The following GALNT11 variants were observed in gnomAD, a reference collection of about 807,000 sequenced individuals.
GALNT11 encodes the protein UDP-GalNAc:polypeptide N-acetylgalactosaminyltransferase 11.
In GALNT11, 47 loss-of-function variants were observed where a neutral mutation model predicts 72.7. The ratio of observed to expected loss-of-function variants is 0.65; its 90% confidence interval spans 0.51 to 0.82. The LOEUF (loss-of-function observed/expected upper bound fraction) is 0.82. GALNT11 is among the 40% of genes least tolerant of loss of function. GALNT11 has a pLI of 0.00. For synonymous variants in GALNT11, 270 were observed against 286.6 expected (o/e 0.94, Z 0.58); for missense variants, 677 against 778.4 (o/e 0.87, Z 1.55).
chr7:152,046,240 A>G (rs1398517779), intron 1 of GALNT11, among the ~76,000 whole-genome samples: 5 of 152,128 alleles, frequency 3.3e-5, no homozygotes, highest in Non-Finnish European at 5.9e-5. Context: ...ATCCTTGAGG[A>G]TGATCTATGT....
chr7:152,081,937 G>A (rs1197142374), intron 1 of GALNT11, among the ~76,000 whole-genome samples: 1 of 152,040 alleles, frequency 6.6e-6, no homozygotes, highest in Non-Finnish European at 1.5e-5. Context: ...CCTTTGTATA[G>A]CTGTGTATTG....
intron 1 of GALNT11, among the ~76,000 whole-genome samples, chr7:152,047,531 A>G (rs1302708946): frequency 6.6e-6 from 1 of 151,970 alleles, no homozygotes. Context: ...CCCCATCTCT[A>G]CAAAAAAATA....
chr7:152,077,326 C>G (rs1373637674), intron 1 of GALNT11, among the ~76,000 whole-genome samples: 2 of 152,138 alleles, frequency 1.3e-5, no homozygotes, highest in African/African-American at 2.4e-5. Flanking sequence ...GATAGAAAAC[C>G]AGAGACGTGA....
At chr7:152,113,579 C>G (rs1298171395) in intron 8 of GALNT11, among the ~76,000 whole-genome samples, 181 bp downstream of exon 8, 1 of 151,864 alleles carries the variant, frequency 6.6e-6, no homozygotes, top group Non-Finnish European at 1.5e-5. Flanking sequence ...CTTTCTGGTT[C>G]TAATCTGACT....
chr7:152,075,482 G>C (rs1049264577), intron 1 of GALNT11, among the ~76,000 whole-genome samples: 1 of 152,196 alleles, frequency 6.6e-6, no homozygotes, highest in African/African-American at 2.4e-5. Flanking sequence ...ACCCTGCCTG[G>C]TAGCTTTCGC....
chr7:152,118,454 G>A, intron 9 of GALNT11: 1 of 464,706 alleles, frequency 2.2e-6, no homozygotes, highest in East Asian at 4.3e-5. Flanking sequence ...GACACTGTCT[G>A]CATGTTAAAA....
chr7:152,118,897 C>A, intron 10 of GALNT11, 115 bp downstream of exon 10: 1 of 748,966 alleles, frequency 1.3e-6, no homozygotes, highest in Non-Finnish European at 2.1e-6. Context: ...CTTTTCTTAA[C>A]CCATTTCTGT....
chr7:152,102,023 T>G (rs892475436), intron 3 of GALNT11, among the ~76,000 whole-genome samples: 26 of 152,154 alleles, frequency 1.7e-4, no homozygotes, highest in Non-Finnish European at 8.8e-5. Context: ...AGCTCTTCTG[T>G]TATCTTGGTA....
chr7:152,045,017 C>A lies in GALNT11; in HGVS notation c.-39+19133C>A, dbSNP rs114004118. 1.1e-3 allele frequency among the ~76,000 whole-genome samples: 171 copies of A among 152,106 alleles called. 2 individuals are homozygous for A. Among genetic ancestry groups the A allele is most frequent in the African/African-American group, 4.0e-3 (166 of 41,486 alleles). On this transcript the variant is annotated intron_variant, in intron 1 of 11. Transcript: ENST00000430044. ...AAAGGATGTTTAATTTTACCAAATT[C>A]TTTTTCAGCATCAATTGAAACGATC... is the stretch of plus-strand genomic sequence containing the variant.
At chr7:152,116,843 T>G (rs1235351796) in intron 8 of GALNT11, 14 of 503,392 alleles carry the variant, frequency 2.8e-5, no homozygotes, top group Non-Finnish European at 4.6e-5. Flanking sequence ...TTTAATTATT[T>G]TAAGGAATTA....
rs2089130263 is a variant in GALNT11 at position 152,118,698 on chromosome 7, C to T, written c.1473C>T (p.Asn491=). Residue 491 remains asparagine (N), a synonymous_variant, in exon 10 of 12, where the codon AAC becomes AAT. Transcript: ENST00000430044. ...TACAGCTCTATCACCTCCAGACCAA[C>T]AAATGCCTGGTGGCCCAGGGCCGCC... is the stretch of plus-strand genomic sequence containing the variant. ...QRGRLYHLQT[N]KCLVAQGRPS... is the part of the protein sequence containing the mutation. 1 of 1,610,490 alleles carries T rather than the reference C, an allele frequency of 6.2e-7. No homozygotes were observed. The highest frequency in any genetic ancestry group is 8.5e-7 in the Non-Finnish European group (1 of 1,178,496).
At chr7:152,044,006 C>T (rs2082998114) in intron 1 of GALNT11, among the ~76,000 whole-genome samples, 1 of 152,262 alleles carries the variant, frequency 6.6e-6, no homozygotes. Flanking sequence ...CTCTGGTGAC[C>T]CTTTGACCTG....
At chr7:152,097,922 A>G (rs1461872175) in intron 2 of GALNT11, among the ~76,000 whole-genome samples, 2 of 152,236 alleles carry the variant, frequency 1.3e-5, no homozygotes, top group African/African-American at 4.8e-5. Flanking sequence ...CTGCAGCTAG[A>G]TAATCATGCT....
intron 1 of GALNT11, among the ~76,000 whole-genome samples, chr7:152,070,825 G>A (rs1184261670): frequency 8.6e-5 from 13 of 152,046 alleles, no homozygotes; most frequent in South Asian, 2.1e-4. Flanking sequence ...TTCCTTAAGC[G>A]TAGGCCAGCT....
chr7:152,108,389 T>C (rs1316306961), intron 6 of GALNT11, 102 bp downstream of exon 6: 7 of 1,486,726 alleles, frequency 4.7e-6, no homozygotes, highest in Non-Finnish European at 5.4e-6. Flanking sequence ...GGAGCAAAAG[T>C]GTTAGACTTA....
intron 1 of GALNT11, among the ~76,000 whole-genome samples, chr7:152,030,768 C>T (rs1235208048): frequency 6.6e-6 from 1 of 152,090 alleles, no homozygotes; most frequent in Non-Finnish European, 1.5e-5. Flanking sequence ...CTTTCTTTCT[C>T]TCTGACTCCT....
intron 1 of GALNT11, among the ~76,000 whole-genome samples, chr7:152,036,007 C>T (rs1023676363): frequency 2.6e-5 from 4 of 152,054 alleles, no homozygotes; most frequent in South Asian, 2.1e-4. Flanking sequence ...ATGCTGCTGG[C>T]GCAACTGTCC....
intron 1 of GALNT11, among the ~76,000 whole-genome samples, chr7:152,066,038 G>A: frequency 6.6e-6 from 1 of 152,236 alleles, no homozygotes; most frequent in East Asian, 1.9e-4. Flanking sequence ...TGCCCCCAGA[G>A]GTGGAGTCTA....
At chr7:152,035,011 A>C (rs888829176) in intron 1 of GALNT11, among the ~76,000 whole-genome samples, 2 of 152,214 alleles carry the variant, frequency 1.3e-5, no homozygotes, top group Non-Finnish European at 2.9e-5. Context: ...TGCCCCAAAA[A>C]TGAAGTGGAG....
Sources: allele counts gnomAD v4.1 joint callset (sites outside exome capture counted in the v4.1 genomes callset), GRCh38; gene constraint gnomAD v4.1.1; transcripts MANE v1.5; gene names NCBI Gene and HGNC (gene_info 2026-07-23, HGNC 2026-07-21).